The following TMEM132C variants were observed in gnomAD, a reference collection of about 807,000 sequenced individuals.
The protein encoded by TMEM132C is transmembrane protein 132C.
A neutral mutation model predicts 61.4 loss-of-function variants in TMEM132C; 29 were observed. The ratio of observed to expected loss-of-function variants is 0.47; its 90% CI spans 0.35 to 0.64. The LOEUF (loss-of-function observed/expected upper bound fraction) is 0.64. Ranked by LOEUF, TMEM132C falls within the 30% of genes least tolerant of loss-of-function variation. The pLI, the probability that TMEM132C is intolerant of heterozygous loss-of-function variation, is 0.00. For missense variants in TMEM132C, 1,408 were observed against 1,476.9 expected (o/e 0.95, Z 0.76); for synonymous variants, 656 against 633.1 (o/e 1.04, Z -0.54).
intron 2 of TMEM132C, among the ~76,000 whole-genome samples, chr12:128,459,951 C>T (rs1156379336): frequency 6.6e-6 from 1 of 151,542 alleles, no homozygotes; most frequent in Non-Finnish European, 1.5e-5. Flanking sequence ...CTCTTGGCAC[C>T]TCCGAGTGGT....
chr12:128,494,683 C>T (rs183303650), intron 2 of TMEM132C, among the ~76,000 whole-genome samples: 3,884 of 152,090 alleles, frequency 0.026, 65 homozygotes, highest in Non-Finnish European at 0.034. Context: ...TCTGTGGGAT[C>T]GGTGGTGATA....
chr12:128,379,426 T>C (rs1565918155), intron 1 of TMEM132C, among the ~76,000 whole-genome samples: 1 of 152,224 alleles, frequency 6.6e-6, no homozygotes, highest in Non-Finnish European at 1.5e-5. Context: ...GGGACTGCTA[T>C]AACAAATGGC....
intron 1 of TMEM132C, among the ~76,000 whole-genome samples, chr12:128,325,453 G>C (rs1872476550): frequency 6.6e-6 from 1 of 152,114 alleles, no homozygotes; most frequent in Admixed American, 6.5e-5. Flanking sequence ...GGGTGTCTCT[G>C]TGTGTGCATT....
chr12:128,538,105 TAG>T (rs1469750316), intron 2 of TMEM132C, among the ~76,000 whole-genome samples: 1 of 131,822 alleles, frequency 7.6e-6, no homozygotes, highest in East Asian at 2.0e-4. Flanking sequence ...TTAATAGTAA[TAG>T]TACTAGTGGT....
intron 3 of TMEM132C, among the ~76,000 whole-genome samples, chr12:128,588,534 G>A (rs555296235): frequency 2.0e-5 from 3 of 152,042 alleles, no homozygotes; most frequent in South Asian, 2.1e-4. Flanking sequence ...GTTGGGAATC[G>A]CCATGGGTTG....
intron 4 of TMEM132C, among the ~76,000 whole-genome samples, chr12:128,628,442 G>A (rs1192248784): frequency 1.3e-5 from 2 of 152,068 alleles, no homozygotes; most frequent in Admixed American, 1.3e-4. Context: ...TGCTGTTCAG[G>A]TCTGTGCTTA....
At chr12:128,525,352 C>T (rs1593085946) in intron 2 of TMEM132C, among the ~76,000 whole-genome samples, 1 of 151,948 alleles carries the variant, frequency 6.6e-6, no homozygotes, top group East Asian at 1.9e-4. Context: ...CTTTCTCTCT[C>T]TCTCTCTCTC....
chr12:128,340,392 C>T (rs1019709633), intron 1 of TMEM132C, among the ~76,000 whole-genome samples: 5 of 151,946 alleles, frequency 3.3e-5, no homozygotes, highest in Non-Finnish European at 7.4e-5. Context: ...TACAGTAAAG[C>T]TTATTTTAGT....
chr12:128,603,086 C>G (rs75394148), intron 3 of TMEM132C, among the ~76,000 whole-genome samples: 1 of 152,326 alleles, frequency 6.6e-6, no homozygotes, highest in African/African-American at 2.4e-5. Context: ...AGGCTTCTCC[C>G]CTCTCCACAG....
intron 3 of TMEM132C, among the ~76,000 whole-genome samples, chr12:128,604,859 A>G (rs10219480): frequency 0.04 from 6,131 of 151,924 alleles, 404 homozygotes; most frequent in East Asian, 0.21. Context: ...ACAGATGGCT[A>G]GATAAATGAT....
chr12:128,395,591 C>T (rs2136004337), intron 1 of TMEM132C, among the ~76,000 whole-genome samples: 1 of 152,340 alleles, frequency 6.6e-6, no homozygotes, highest in East Asian at 1.9e-4. Flanking sequence ...AGAACACTTA[C>T]ATTAACCTAC....
At chr12:128,369,844 C>T (rs1035046812) in intron 1 of TMEM132C, among the ~76,000 whole-genome samples, 2 of 152,150 alleles carry the variant, frequency 1.3e-5, no homozygotes, top group Non-Finnish European at 2.9e-5. Flanking sequence ...CGTTTTGGTT[C>T]CTCATTTGTT....
chr12:128,434,207 A>G (rs1869495559), intron 2 of TMEM132C, among the ~76,000 whole-genome samples: 2 of 152,208 alleles, frequency 1.3e-5, no homozygotes, highest in African/African-American at 4.8e-5. Flanking sequence ...GTGGTTCTCA[A>G]AGTTGAGTGA....
At chr12:128,378,340 T>C (rs192225313) in intron 1 of TMEM132C, among the ~76,000 whole-genome samples, 2,432 of 152,118 alleles carry the variant, frequency 0.016, 61 homozygotes, top group African/African-American at 0.055. Context: ...ATGGTCTCGA[T>C]CTCCTGACTT....
At chr12:128,576,820 GAA>G (rs1565979283) in intron 3 of TMEM132C, among the ~76,000 whole-genome samples, 1 of 152,152 alleles carries the variant, frequency 6.6e-6, no homozygotes, top group Non-Finnish European at 1.5e-5. Context: ...GATGATGTTG[GAA>G]AATCTTTTTC....
chr12:128,457,328 C>T (rs373974387), intron 2 of TMEM132C, among the ~76,000 whole-genome samples: 10 of 148,880 alleles, frequency 6.7e-5, no homozygotes, highest in African/African-American at 2.5e-4. Flanking sequence ...AAAAACAGCG[C>T]TTTGGGAGGC....
chr12:128,414,274 A>T (rs894369689), intron 1 of TMEM132C, among the ~76,000 whole-genome samples: 2 of 152,142 alleles, frequency 1.3e-5, no homozygotes, highest in African/African-American at 4.8e-5. Context: ...TTACCTCAGG[A>T]TTTGAGATGC....
intron 2 of TMEM132C, among the ~76,000 whole-genome samples, chr12:128,443,974 G>A (rs986110780): frequency 3.3e-5 from 5 of 152,146 alleles, no homozygotes; most frequent in Admixed American, 3.3e-4. Flanking sequence ...CCAGGCTGCA[G>A]TGCTGTGGTA....
chr12:128,652,727 A>G (rs576324380), intron 4 of TMEM132C, among the ~76,000 whole-genome samples: 1 of 152,342 alleles, frequency 6.6e-6, no homozygotes, highest in South Asian at 2.1e-4. Flanking sequence ...TGGAATGACC[A>G]CAAAAATAAT....
Sources: gnomAD v4.1 joint callset for allele counts (sites outside exome capture counted in the v4.1 genomes callset) on GRCh38, gnomAD v4.1.1 for gene constraint, MANE v1.5 for transcripts, NCBI Gene and HGNC (gene_info 2026-07-23, HGNC 2026-07-21) for gene names.